Variants in FAM13B observed in about 807,000 individuals in gnomAD.
FAM13B encodes the protein protein FAM13B.
FAM13B carries 60 observed loss-of-function variants against 117.3 expected under a neutral mutation model. The observed-to-expected ratio is 0.51, with a 90% CI of 0.42 to 0.63. The LOEUF (loss-of-function observed/expected upper bound fraction) is 0.63. Ranked by LOEUF, FAM13B falls within the 30% of genes least tolerant of loss-of-function variation. FAM13B has a pLI of 0.00. For synonymous variants in FAM13B, 332 were observed against 356.1 expected, an observed-to-expected ratio of 0.93 and a Z score of 0.76; for missense variants, 972 against 1,091.9, an observed-to-expected ratio of 0.89 and a Z score of 1.55.
chr5:137,986,112 C>T (rs1379137159), intron 9 of FAM13B, among the ~76,000 whole-genome samples: 2 of 151,266 alleles, frequency 1.3e-5, no homozygotes, highest in Non-Finnish European at 2.9e-5. Context: ...CTTTTCTTTC[C>T]CTCTCCCGCC....
intron 7 of FAM13B, among the ~76,000 whole-genome samples, chr5:138,005,652 A>G (rs1180028760): frequency 1.3e-5 from 2 of 152,100 alleles, no homozygotes; most frequent in Non-Finnish European, 2.9e-5. Flanking sequence ...CATAAAAGCA[A>G]AAACAGAATG....
chr5:137,947,990 G>A (rs1344717310), intron 18 of FAM13B, among the ~76,000 whole-genome samples: 8 of 152,146 alleles, frequency 5.3e-5, no homozygotes, highest in Non-Finnish European at 7.4e-5. Context: ...TTTGGATCAT[G>A]AGAGAGGTGT....
intron 1 of FAM13B, among the ~76,000 whole-genome samples, chr5:138,025,829 G>A (rs2151029424): frequency 6.6e-6 from 1 of 152,202 alleles, no homozygotes; most frequent in South Asian, 2.1e-4. Flanking sequence ...AAACAATCCT[G>A]AAGAAAATGA....
At chr5:137,942,183 A>G (rs1762053221) in intron 22 of FAM13B, 138 bp from the exon 23 acceptor site, 3 of 657,578 alleles carry the variant, frequency 4.6e-6, no homozygotes, top group South Asian at 1.9e-5. Context: ...CTGCAAACCA[A>G]TGAAATCAGA....
chr5:138,009,802 CAAA>C (rs756061969), intron 6 of FAM13B, among the ~76,000 whole-genome samples: 2 of 80,494 alleles, frequency 2.5e-5, no homozygotes, highest in Admixed American at 1.6e-4. Flanking sequence ...GAGACTGTCT[CAAA>C]AAAAAAAAAA....
chr5:137,976,240 C>A (rs892126838), intron 10 of FAM13B, among the ~76,000 whole-genome samples: 1 of 152,094 alleles, frequency 6.6e-6, no homozygotes, highest in African/African-American at 2.4e-5. Context: ...CAGGCGTGAA[C>A]CACCATGCCT....
chr5:137,969,552 C>T (rs1771338076), intron 10 of FAM13B, among the ~76,000 whole-genome samples: 1 of 152,210 alleles, frequency 6.6e-6, no homozygotes. Context: ...AAGCAGAGCA[C>T]CTCTCCTCCT....
chr5:137,979,550 C>T (rs1267615653), intron 10 of FAM13B, among the ~76,000 whole-genome samples: 1 of 152,170 alleles, frequency 6.6e-6, no homozygotes, highest in South Asian at 2.1e-4. Context: ...CCAAATCTAC[C>T]AATATTCCAG....
chr5:138,006,381 T>C (rs1581232945), intron 7 of FAM13B, among the ~76,000 whole-genome samples: 1 of 152,306 alleles, frequency 6.6e-6, no homozygotes, highest in East Asian at 1.9e-4. Flanking sequence ...CAATGTAAAC[T>C]GGGTTACATC....
chr5:137,946,617 C>G (rs1281273752), intron 18 of FAM13B, among the ~76,000 whole-genome samples: 1 of 152,204 alleles, frequency 6.6e-6, no homozygotes, highest in Non-Finnish European at 1.5e-5. Flanking sequence ...ACATCCTCAT[C>G]TGTAAAATGG....
intron 6 of FAM13B, among the ~76,000 whole-genome samples, chr5:138,010,130 G>C (rs1783606331): frequency 6.6e-6 from 1 of 152,018 alleles, no homozygotes; most frequent in Non-Finnish European, 1.5e-5. Context: ...ACAGGCACAT[G>C]CCCCTATGCC....
chr5:137,942,777 A>G (rs1762236162), intron 22 of FAM13B, 98 bp downstream of exon 22: 1 of 995,626 alleles, frequency 1.0e-6, no homozygotes, highest in Admixed American at 2.7e-5. Flanking sequence ...TTCTTGATTC[A>G]TCTCCTATTA....
upstream of FAM13B, among the ~76,000 whole-genome samples, chr5:138,034,941 T>C (rs558048924): frequency 6.0e-5 from 9 of 148,974 alleles, no homozygotes; most frequent in Non-Finnish European, 1.0e-4. Flanking sequence ...ATAAATACTT[T>C]GCTCTGAATA....
intron 10 of FAM13B, among the ~76,000 whole-genome samples, chr5:137,979,932 C>T (rs377335920): frequency 2.7e-5 from 4 of 148,498 alleles, no homozygotes; most frequent in African/African-American, 5.0e-5. Flanking sequence ...GAGGCCAAGG[C>T]GCGAGGATCA....
At chr5:138,029,871 G>C (rs972645929) in intron 1 of FAM13B, among the ~76,000 whole-genome samples, 5 of 152,124 alleles carry the variant, frequency 3.3e-5, no homozygotes, top group Admixed American at 2.0e-4. Context: ...GGCAATAATA[G>C]AAACTTGACA....
Position 138,007,007 on chromosome 5 carries a change from A to G in FAM13B, c.831T>C (p.Asn277=). Residue 277 remains asparagine, a synonymous_variant, in exon 7 of 24, where the codon AAT becomes AAC. Coordinates refer to ENST00000689681, the MANE Select transcript of FAM13B (RefSeq NM_001385994.1). ...LRMTENILES[N]SVTATSTHIS... is the part of the protein sequence containing the mutation. ...GCTATTACCTTGTTGCCGTAACACT[A>G]TTTGATTCCAGGATGTTTTCAGTCA... The G allele has an allele frequency of 6.2e-7, 1 of 1,609,250 alleles. No individual in the cohort carries two copies. The highest frequency in any genetic ancestry group is 8.5e-7 in the Non-Finnish European group (1 of 1,178,962).
chr5:138,027,815 G>A (rs1446616689), intron 1 of FAM13B, among the ~76,000 whole-genome samples: 2 of 152,188 alleles, frequency 1.3e-5, no homozygotes, highest in African/African-American at 4.8e-5. Flanking sequence ...CTCCCATGCT[G>A]TTCTCGTGAC....
chr5:137,985,922 T>C (rs1458470827), intron 9 of FAM13B, among the ~76,000 whole-genome samples: 3 of 152,194 alleles, frequency 2.0e-5, no homozygotes, highest in Non-Finnish European at 4.4e-5. Flanking sequence ...GCAATGGGTA[T>C]AGGTTTACAG....
chr5:138,044,253 T>C (rs116626503), intron 1 of FAM13B, among the ~76,000 whole-genome samples: 1 of 152,128 alleles, frequency 6.6e-6, no homozygotes, highest in African/African-American at 2.4e-5. Flanking sequence ...AAAGTAAGCT[T>C]TTAAAAAAAG....
Sources: allele counts gnomAD v4.1 joint callset (sites outside exome capture counted in the v4.1 genomes callset), GRCh38; gene constraint gnomAD v4.1.1; transcripts MANE v1.5; gene names NCBI Gene and HGNC (gene_info 2026-07-23, HGNC 2026-07-21).